The following FRMD4B variants were observed in gnomAD, a reference collection of about 807,000 sequenced individuals.
FRMD4B encodes the protein FERM domain-containing protein 4B.
FRMD4B carries 74 observed loss-of-function variants against 141.5 expected under a neutral mutation model. The observed-to-expected ratio is 0.52, with a 90% CI of 0.43 to 0.63. FRMD4B has a LOEUF of 0.63. Among genes scored for constraint, FRMD4B ranks in the 30% least tolerant of loss-of-function variants. The pLI, the probability that FRMD4B is intolerant of heterozygous loss-of-function variation, is 0.00. For missense variants in FRMD4B, 1,366 were observed against 1,253.4 expected, an observed-to-expected ratio of 1.09 and a Z score of -1.36; for synonymous variants, 506 against 467.9, an observed-to-expected ratio of 1.08 and a Z score of -1.05.
chr3:69,509,701 G>A (rs1706659061), intron 1 of FRMD4B, among the ~76,000 whole-genome samples: 2 of 151,996 alleles, frequency 1.3e-5, no homozygotes, highest in Non-Finnish European at 2.9e-5. Context: ...GCACTTCACA[G>A]ATATTAATTT....
At chr3:69,485,722 G>A (rs1031743273) in intron 1 of FRMD4B, among the ~76,000 whole-genome samples, 4 of 152,240 alleles carry the variant, frequency 2.6e-5, no homozygotes, top group Non-Finnish European at 5.9e-5. Context: ...GGGCAATGTT[G>A]CTGCAAGCTC....
intron 3 of FRMD4B, among the ~76,000 whole-genome samples, chr3:69,303,498 A>G (rs1191650097): frequency 6.6e-6 from 1 of 152,234 alleles, no homozygotes; most frequent in Non-Finnish European, 1.5e-5. Flanking sequence ...AATATCTGAG[A>G]GAAAAAACAA....
At position 69,171,787 on chromosome 3, in the gene FRMD4B, T is replaced by G. The variant is rs1251510065; in HGVS notation, c.*74A>C. 6.8e-7 allele frequency: 1 copy of G among 1,478,580 alleles called. No homozygotes were observed. The allele number at this position is 1,478,580 out of a possible 1,614,324, so 91.6% of individuals were successfully genotyped here. A position where few individuals can be genotyped will look rare whatever the true frequency, so the allele number is the denominator to read the frequency against. ...TTAGGTTTCTAAAACGAACATCCTC[T>G]CGGAAGACAAATACAATTTGCAAGG... On this transcript the variant is annotated 3_prime_UTR_variant, in exon 23 of 23. Transcript: ENST00000398540.
chr3:69,252,763 C>A (rs2093471250), intron 5 of FRMD4B, among the ~76,000 whole-genome samples: 1 of 152,154 alleles, frequency 6.6e-6, no homozygotes, highest in Admixed American at 6.5e-5. Flanking sequence ...CTTTTACTCT[C>A]AACCATGGCA....
chr3:69,330,739 C>T (rs1702343432), intron 1 of FRMD4B, among the ~76,000 whole-genome samples: 1 of 151,902 alleles, frequency 6.6e-6, no homozygotes, highest in South Asian at 2.1e-4. Flanking sequence ...TTAAGTGATC[C>T]TCCTGTCTCA....
At chr3:69,524,799 C>T (rs1041466168) in intron 1 of FRMD4B, among the ~76,000 whole-genome samples, 4 of 152,226 alleles carry the variant, frequency 2.6e-5, no homozygotes, top group African/African-American at 7.2e-5. Context: ...CACATGGCCA[C>T]ACCAGTGATA....
chr3:69,525,534 T>C (rs1259700802), intron 1 of FRMD4B, among the ~76,000 whole-genome samples: 1 of 152,212 alleles, frequency 6.6e-6, no homozygotes, highest in Non-Finnish European at 1.5e-5. Context: ...GCTTTGAGGA[T>C]TCACAAAGGC....
At chr3:69,536,545 AG>A (rs912502196) in intron 1 of FRMD4B, 2 of 696,926 alleles carry the variant, frequency 2.9e-6, no homozygotes, top group Admixed American at 2.1e-5. Context: ...GGTGGGGAAT[AG>A]GGGGGATGGT....
intron 3 of FRMD4B, among the ~76,000 whole-genome samples, chr3:69,303,904 C>T (rs1470530687): frequency 6.6e-6 from 1 of 152,020 alleles, no homozygotes; most frequent in Non-Finnish European, 1.5e-5. Flanking sequence ...CACTGCATTC[C>T]AGCCTAGGCA....
At chr3:69,374,100 C>G (rs1468134410) in intron 1 of FRMD4B, among the ~76,000 whole-genome samples, 2 of 152,172 alleles carry the variant, frequency 1.3e-5, no homozygotes, top group African/African-American at 4.8e-5. Context: ...AGAGTTTGCA[C>G]TCTAGCATGA....
intron 1 of FRMD4B, among the ~76,000 whole-genome samples, chr3:69,496,899 T>TG (rs1300146885): frequency 2.0e-5 from 3 of 150,820 alleles, no homozygotes; most frequent in African/African-American, 4.9e-5. Context: ...CTATGGTAGT[T>TG]TTTTTTTTAT....
At chr3:69,210,041 A>C (rs1245667815) in intron 11 of FRMD4B, among the ~76,000 whole-genome samples, 1 of 152,214 alleles carries the variant, frequency 6.6e-6, no homozygotes, top group African/African-American at 2.4e-5. Context: ...TACTTAATTC[A>C]TTTGGCTTTA....
chr3:69,313,423 TG>T, intron 2 of FRMD4B, 28 bp downstream of exon 2: 1 of 1,511,442 alleles, frequency 6.6e-7, no homozygotes, highest in Non-Finnish European at 9.0e-7. Flanking sequence ...AAGACTTATC[TG>T]GGCAACACAC....
At chr3:69,363,392 CTTT>C (rs1270266886) in intron 1 of FRMD4B, among the ~76,000 whole-genome samples, 1 of 136,396 alleles carries the variant, frequency 7.3e-6, no homozygotes, top group Non-Finnish European at 1.6e-5. Context: ...GCCTCCATGC[CTTT>C]TTTTTTTTTT....
intron 1 of FRMD4B, among the ~76,000 whole-genome samples, chr3:69,360,739 A>G (rs1213777567): frequency 1.3e-5 from 2 of 152,196 alleles, no homozygotes; most frequent in Non-Finnish European, 1.5e-5. Flanking sequence ...GTTGAGTCCC[A>G]AGGCTTTATC....
chr3:69,195,422 A>C, intron 14 of FRMD4B, 58 bp from the exon 15 acceptor site: 1 of 1,400,910 alleles, frequency 7.1e-7, no homozygotes, highest in Non-Finnish European at 9.7e-7. Context: ...CTTCCTTTCT[A>C]AGGGACAAAG....
intron 5 of FRMD4B, among the ~76,000 whole-genome samples, chr3:69,259,560 G>A (rs371869600): frequency 6.6e-6 from 1 of 152,104 alleles, no homozygotes; most frequent in South Asian, 2.1e-4. Flanking sequence ...TCATATGTCT[G>A]TTTTTAGATT....
chr3:69,480,713 C>A (rs1287817264), intron 1 of FRMD4B, among the ~76,000 whole-genome samples: 1 of 152,196 alleles, frequency 6.6e-6, no homozygotes, highest in African/African-American at 2.4e-5. Flanking sequence ...CAGCTGCGTG[C>A]TGGGAGAACC....
intron 1 of FRMD4B, among the ~76,000 whole-genome samples, chr3:69,349,002 G>GTATTCATT (rs1420201300): frequency 2.0e-4 from 31 of 152,156 alleles, no homozygotes; most frequent in Non-Finnish European, 4.3e-4. Flanking sequence ...AGAAATAAAG[G>GTATTCATT]TATTCATTTA....
Sources: allele counts gnomAD v4.1 joint callset (sites outside exome capture counted in the v4.1 genomes callset), GRCh38; gene constraint gnomAD v4.1.1; transcripts MANE v1.5; gene names NCBI Gene and HGNC (gene_info 2026-07-23, HGNC 2026-07-21).